GTF2B: variants seen among roughly 807,000 people sequenced by gnomAD.
GTF2B encodes the protein transcription initiation factor IIB.
A neutral mutation model predicts 34.6 loss-of-function variants in GTF2B; 20 were observed. The ratio of observed to expected loss-of-function variants is 0.58; its 90% CI spans 0.41 to 0.84. GTF2B has a LOEUF of 0.84. Ranked by LOEUF, GTF2B falls within the 40% of genes least tolerant of loss-of-function variation. GTF2B has a pLI of 0.00. For synonymous variants in GTF2B, 142 were observed against 132.4 expected (o/e 1.07, Z -0.50); for missense variants, 237 against 393.3 (o/e 0.60, Z 3.36).
chr1:88,891,527 A>AAGACACAAC lies in GTF2B; in HGVS notation c.-37_-29dup, dbSNP rs1674210666. The AAGACACAAC allele has an allele frequency of 6.3e-7, 1 of 1,598,472 alleles. No homozygotes were observed. The highest frequency in any genetic ancestry group is 1.1e-5 in the South Asian group (1 of 89,316). On this transcript the variant is annotated 5_prime_UTR_variant, in exon 1 of 7. Coordinates refer to ENST00000370500, the MANE Select transcript of GTF2B (RefSeq NM_001514.6). The stretch of plus-strand genomic sequence containing the variant: ...TCACGGCGACTGCGGTGCCCGCAAC[A>AAGACACAAC]AGACACAACAGACACACCGAAAGCA...
At chr1:88,878,705 A>T (rs983736908) in intron 2 of GTF2B, among the ~76,000 whole-genome samples, 1 of 152,216 alleles carries the variant, frequency 6.6e-6, no homozygotes, top group Non-Finnish European at 1.5e-5. Context: ...ACAATACTGA[A>T]GTGATCCTGT....
At chr1:88,878,098 G>A (rs567754223) in intron 2 of GTF2B, among the ~76,000 whole-genome samples, 16 of 152,108 alleles carry the variant, frequency 1.1e-4, no homozygotes, top group Non-Finnish European at 1.5e-4. Context: ...GCTAAACCTC[G>A]TCTCTACAAA....
chr1:88,888,624 T>G (rs1674127775), intron 1 of GTF2B, among the ~76,000 whole-genome samples: 1 of 152,170 alleles, frequency 6.6e-6, no homozygotes, highest in Non-Finnish European at 1.5e-5. Flanking sequence ...AGAACTAATA[T>G]CTCTGCAGTA....
At chr1:88,887,431 G>A (rs988644479) in intron 1 of GTF2B, 64 bp from the exon 2 acceptor site, 1 of 918,322 alleles carries the variant, frequency 1.1e-6, no homozygotes, top group South Asian at 1.3e-5. Flanking sequence ...AATCTTCTGG[G>A]ATGGGGGATG....
chr1:88,876,440 A>T (rs896723259), intron 2 of GTF2B, among the ~76,000 whole-genome samples: 13 of 152,288 alleles, frequency 8.5e-5, no homozygotes, highest in Middle Eastern at 3.4e-3. Context: ...TGGAGTCTGG[A>T]GCAGGAGGAT....
At chr1:88,868,894 C>T (rs1391460884) in intron 2 of GTF2B, among the ~76,000 whole-genome samples, 2 of 152,102 alleles carry the variant, frequency 1.3e-5, no homozygotes, top group African/African-American at 4.8e-5. Context: ...CACCACAATG[C>T]CTGACTAATT....
intron 2 of GTF2B, among the ~76,000 whole-genome samples, chr1:88,865,506 G>A (rs1456841922): frequency 1.3e-5 from 2 of 152,178 alleles, no homozygotes; most frequent in Non-Finnish European, 2.9e-5. Context: ...CGGATCACCT[G>A]AGGTCAGGAG....
At chr1:88,870,181 C>T (rs1005490441) in intron 2 of GTF2B, among the ~76,000 whole-genome samples, 8 of 152,210 alleles carry the variant, frequency 5.3e-5, no homozygotes, top group African/African-American at 1.7e-4. Flanking sequence ...CCGCCTTGGC[C>T]TCCCAAAGTG....
chr1:88,867,353 G>C (rs113021838), intron 2 of GTF2B, among the ~76,000 whole-genome samples: 1,691 of 152,258 alleles, frequency 0.011, 33 homozygotes, highest in African/African-American at 0.038. Context: ...ATAAACACCA[G>C]CATGGTATTT....
In GTF2B at chr1:88,865,624, G is replaced by C. The variant is rs1267500391; in HGVS notation, c.125-1510C>G. Among the ~76,000 whole-genome samples, 4 of 152,176 alleles carry C rather than the reference G, an allele frequency of 2.6e-5. No individual in the cohort carries two copies. The East Asian group carries it at 7.7e-4, about 29-fold the overall frequency. On this transcript the variant is annotated intron_variant, in intron 2 of 6. Coordinates refer to ENST00000370500, the MANE Select transcript of GTF2B (RefSeq NM_001514.6). ...TAATCCCAGCACTTTGCGAGGTCCA[G>C]GCGGGCTGTCACCTGGTTGGGAATT...
intron 6 of GTF2B, among the ~76,000 whole-genome samples, chr1:88,856,582 T>C (rs1410000157): frequency 2.0e-5 from 3 of 151,862 alleles, no homozygotes; most frequent in African/African-American, 7.3e-5. Context: ...AAAGGTAAGT[T>C]TGGAAAGGAA....
At chr1:88,856,346 C>T (rs1673315208) in intron 6 of GTF2B, among the ~76,000 whole-genome samples, 1 of 127,344 alleles carries the variant, frequency 7.9e-6, no homozygotes, top group South Asian at 2.8e-4. Flanking sequence ...AGTTTTCCTA[C>T]AACACTAAAT....
intron 2 of GTF2B, among the ~76,000 whole-genome samples, chr1:88,871,190 C>T (rs1309327888): frequency 2.0e-5 from 3 of 152,144 alleles, no homozygotes; most frequent in African/African-American, 7.2e-5. Context: ...GTGTGAGCCA[C>T]TGCACCCAGC....
At position 88,862,627 on chromosome 1, in the gene GTF2B, TGCTGAAGAC is replaced by T. The variant is rs1372665487; in HGVS notation, c.258+1345_258+1353del. Among the ~76,000 whole-genome samples the T allele has an allele frequency of 2.6e-5, 4 of 152,222 alleles. No individual in the cohort carries two copies. In the Middle Eastern group the frequency reaches 0.01, roughly 388 times the overall value. ...CTTTGGGTGCCTGAGGCGGGAGGAC[TGCTGAAGAC>T]CAGGAGTTCAAGACCTGCCTGGACA... On this transcript the variant is annotated intron_variant, in intron 3 of 6. Transcript: ENST00000370500.
intron 5 of GTF2B, among the ~76,000 whole-genome samples, chr1:88,858,161 G>A (rs1213583523): frequency 6.7e-6 from 1 of 150,252 alleles, no homozygotes; most frequent in Non-Finnish European, 1.5e-5. Context: ...CACCACACCC[G>A]GCTAATTTTT....
intron 5 of GTF2B, 132 bp downstream of exon 5, chr1:88,859,750 A>G: frequency 1.5e-6 from 1 of 687,720 alleles, no homozygotes; most frequent in Admixed American, 2.5e-5. Flanking sequence ...GCAGGAGTAT[A>G]GCTTGAACCT....
At chr1:88,860,371 T>G (rs1385173517) in intron 3 of GTF2B, 85 bp from the exon 4 acceptor site, 4 of 941,368 alleles carry the variant, frequency 4.2e-6, no homozygotes, top group Admixed American at 2.0e-5. Flanking sequence ...GCTTACAAGA[T>G]CTGATTCTAC....
intron 2 of GTF2B, among the ~76,000 whole-genome samples, chr1:88,873,994 G>T (rs1274574349): frequency 6.6e-6 from 1 of 152,178 alleles, no homozygotes; most frequent in Non-Finnish European, 1.5e-5. Flanking sequence ...AGAAATAATA[G>T]GATGGGGGAG....
chr1:88,887,704 C>A, intron 1 of GTF2B: 2 of 259,026 alleles, frequency 7.7e-6, no homozygotes, highest in South Asian at 7.7e-5. Flanking sequence ...TAATAACCTG[C>A]AGCATTTACA....
Sources: gnomAD v4.1 joint callset for allele counts (sites outside exome capture counted in the v4.1 genomes callset) on GRCh38, gnomAD v4.1.1 for gene constraint, MANE v1.5 for transcripts, NCBI Gene and HGNC (gene_info 2026-07-23, HGNC 2026-07-21) for gene names.